The following ZNF227 variants were observed in gnomAD, a reference collection of about 807,000 sequenced individuals.
ZNF227 encodes zinc finger protein 227.
ZNF227 carries 12 observed loss-of-function variants against 13.2 expected under a neutral mutation model. That is an observed-to-expected ratio of 0.91 (90% CI 0.58 to 1.47). The LOEUF (loss-of-function observed/expected upper bound fraction) is 1.47. Among genes scored for constraint, ZNF227 ranks in the 40% most tolerant of loss-of-function variants. The pLI is 0.00. For synonymous variants in ZNF227, 338 were observed against 326.0 expected, an observed-to-expected ratio of 1.04 and a Z score of -0.40; for missense variants, 885 against 967.5, an observed-to-expected ratio of 0.91 and a Z score of 1.13.
intron 5 of ZNF227, among the ~76,000 whole-genome samples, chr19:44,231,567 G>T (rs1251656780): frequency 6.6e-6 from 1 of 152,122 alleles, no homozygotes; most frequent in Non-Finnish European, 1.5e-5. Context: ...TCCTGAGATC[G>T]TGGTCCACCT....
At chr19:44,224,568 A>C (rs1333481839) in intron 3 of ZNF227, among the ~76,000 whole-genome samples, 2 of 152,088 alleles carry the variant, frequency 1.3e-5, no homozygotes, top group Non-Finnish European at 2.9e-5. Context: ...AGTCTGTTTT[A>C]TCAGAGACAA....
chr19:44,207,607 C>G (rs1032920707), upstream of ZNF227: 2 of 152,258 alleles, frequency 1.3e-5, no homozygotes, highest in African/African-American at 2.4e-5. Flanking sequence ...TCCGCTGGGA[C>G]CCTCCAAGTT....
chr19:44,223,446 G>A (rs1481930427), intron 3 of ZNF227, among the ~76,000 whole-genome samples: 2 of 152,168 alleles, frequency 1.3e-5, no homozygotes, highest in African/African-American at 4.8e-5. Context: ...TTCAGAGCCT[G>A]TTATTGGTCT....
intron 3 of ZNF227, among the ~76,000 whole-genome samples, chr19:44,219,129 C>T (rs1599783936): frequency 6.6e-6 from 1 of 152,204 alleles, no homozygotes; most frequent in East Asian, 1.9e-4. Flanking sequence ...TCAGATGATC[C>T]ACCCACTTCG....
At chr19:44,210,626 A>T (rs1473693102), upstream of ZNF227, among the ~76,000 whole-genome samples, 1 of 152,240 alleles carries the variant, frequency 6.6e-6, no homozygotes, top group African/African-American at 2.4e-5. Flanking sequence ...TGACAGAAGG[A>T]ACACCAAATA....
At chr19:44,231,831 A>T (rs1485389921) in intron 5 of ZNF227, among the ~76,000 whole-genome samples, 1 of 152,250 alleles carries the variant, frequency 6.6e-6, no homozygotes, top group Non-Finnish European at 1.5e-5. Context: ...TAAATATTCA[A>T]ACCTACTAAC....
In ZNF227 at chr19:44,228,505, C is replaced by G. The variant is rs922063; in HGVS notation, c.120C>G (p.Leu40=). ...VVFSREELRL[L]DLTQRKLYRD... is the part of the protein sequence containing the mutation. ...TCTCCAGGGAGGAACTGCGACTGCTCGATCTTACCCAGAGGAAGCTGTACC... is the reference window on the plus strand; with the variant it reads ...TCTCCAGGGAGGAACTGCGACTGCTGGATCTTACCCAGAGGAAGCTGTACC... The change falls in exon 4 of 6, where the codon CTC becomes CTG. Residue 40 remains leucine (L), a synonymous_variant. Coordinates refer to ENST00000313040, the MANE Select transcript of ZNF227 (RefSeq NM_182490.3). 75,411 of 1,612,994 alleles carry G rather than the reference C, an allele frequency of 0.047. 11,445 individuals carry two copies. The African/African-American group carries it at 0.49, about 10-fold the overall frequency.
At chr19:44,217,191 T>C (rs1286976157) in intron 2 of ZNF227, among the ~76,000 whole-genome samples, 1 of 152,050 alleles carries the variant, frequency 6.6e-6, no homozygotes, top group Non-Finnish European at 1.5e-5. Flanking sequence ...CTCAAACTTC[T>C]GACCTTATGT....
rs1282430800 is a variant in ZNF227 at position 44,217,338 on chromosome 19, C to T, written c.-2-453C>T. 5 of 434,678 alleles carry T rather than the reference C, an allele frequency of 1.2e-5. No homozygotes were observed. The East Asian group carries it at 2.8e-4, about 24-fold the overall frequency. The allele number at this position is 434,678 out of a possible 1,614,324, so 26.9% of individuals were successfully genotyped here. On this transcript the variant is annotated intron_variant, in intron 2 of 5. Transcript: ENST00000313040. ...AAAGGGACTCCTGGTTCTTAGAACTCTCCATCTACTTATTTAATCCTTGGA... is the reference window on the plus strand; with the variant it reads ...AAAGGGACTCCTGGTTCTTAGAACTTTCCATCTACTTATTTAATCCTTGGA...
At chr19:44,212,808 TTCC>T (rs1291257416) in intron 1 of ZNF227, 1 of 152,216 alleles carries the variant, frequency 6.6e-6, no homozygotes, top group Non-Finnish European at 1.5e-5. Flanking sequence ...GCGCTCCTGT[TTCC>T]TCATCTTTAA....
At chr19:44,226,905 C>T (rs1302591481) in intron 3 of ZNF227, among the ~76,000 whole-genome samples, 2 of 152,206 alleles carry the variant, frequency 1.3e-5, no homozygotes, top group Non-Finnish European at 2.9e-5. Context: ...TGTTCCTATT[C>T]AGCCATCTTG....
chr19:44,236,128 C>T lies in ZNF227; in HGVS notation c.1698C>T (p.His566=), dbSNP rs1402947546. Residue 566 remains histidine, a synonymous_variant, in exon 6 of 6, where the codon CAC becomes CAT. Transcript: ENST00000313040. ...GTTATAGTTCAAATCTTAAACTACA[C>T]CAAGTAATTCACACTGGAGAAAAAC... is the stretch of plus-strand genomic sequence containing the variant. ...DFSYSSNLKL[H]QVIHTGEKPY... 1 of 1,613,584 alleles carries T rather than the reference C, an allele frequency of 6.2e-7. No homozygotes were observed. Among genetic ancestry groups the T allele is most frequent in the South Asian group, 1.1e-5 (1 of 91,048 alleles).
At chr19:44,227,754 T>C (rs1194780524) in intron 3 of ZNF227, among the ~76,000 whole-genome samples, 2 of 152,208 alleles carry the variant, frequency 1.3e-5, no homozygotes, top group East Asian at 3.8e-4. Flanking sequence ...CCCAAGGTCC[T>C]ATAACTAGTA....
At position 44,236,196 on chromosome 19, in the gene ZNF227, C is replaced by G. The variant is rs1240455469; in HGVS notation, c.1766C>G (p.Ser589Ter). ...TGTGGGAAGGGCTTCAGTTGGAGAT[C>G]AAATCTTCATGCACATCAAAGAGTT... ...EECGKGFSWR[S>*]NLHAHQRVHS... is the part of the protein sequence containing the mutation. The change falls in exon 6 of 6, where the codon TCA becomes TGA. Residue 589 changes from serine to a stop codon, truncating the protein, a stop_gained. Transcript: ENST00000313040. LOFTEE classifies it low-confidence loss of function (END_TRUNC). 16 of 1,613,920 alleles carry G rather than the reference C, an allele frequency of 9.9e-6. No homozygotes were observed. The highest frequency in any genetic ancestry group is 1.4e-5 in the Non-Finnish European group (16 of 1,180,018).
intron 2 of ZNF227, among the ~76,000 whole-genome samples, chr19:44,217,307 TA>T (rs1275500297): frequency 2.0e-5 from 3 of 152,054 alleles, no homozygotes; most frequent in African/African-American, 7.2e-5. Context: ...TTTGTAACTA[TA>T]AGAGAAAGGG....
rs965532287 is a variant in ZNF227 at position 44,228,097 on chromosome 19, A to G, written c.61-349A>G. The G allele has an allele frequency of 9.3e-5, 16 of 171,196 alleles. No homozygotes were observed. The East Asian group carries it at 2.8e-3, about 30-fold the overall frequency. The allele number at this position is 171,196 out of a possible 1,614,324, so 10.6% of individuals were successfully genotyped here. On this transcript the variant is annotated intron_variant, in intron 3 of 5. Coordinates refer to ENST00000313040, the MANE Select transcript of ZNF227 (RefSeq NM_182490.3). ...AATACAAAAATTAGCCGGGCATGGT[A>G]GTAGACGCCTGTAATCCCACCTACT...
chr19:44,234,727 A>G lies in ZNF227; in HGVS notation c.297A>G (p.Glu99=). The G allele has an allele frequency of 6.3e-7, 1 of 1,597,956 alleles. No homozygotes were observed. The highest frequency in any genetic ancestry group is 8.5e-7 in the Non-Finnish European group (1 of 1,175,686). Residue 99 remains glutamate (E), a synonymous_variant, in exon 6 of 6, where the codon GAA becomes GAG. Coordinates refer to ENST00000313040, the MANE Select transcript of ZNF227 (RefSeq NM_182490.3). ...QRSSKHQNKM[E]TLQKFALKYL... ...GCAGCAAGCATCAAAATAAGATGGAAACACTCCAAAAATTTGCATTAAAAT... is the reference window on the plus strand; with the variant it reads ...GCAGCAAGCATCAAAATAAGATGGAGACACTCCAAAAATTTGCATTAAAAT...
At chr19:44,230,926 A>AAAATAT (rs1555792168) in intron 5 of ZNF227, among the ~76,000 whole-genome samples, 5 of 68,136 alleles carry the variant, frequency 7.3e-5, no homozygotes, top group Admixed American at 4.3e-4. Context: ...AAAAAAAAAA[A>AAAATAT]ATATATATAT....
chr19:44,235,710 A>G lies in ZNF227; in HGVS notation c.1280A>G (p.Gln427Arg). The G allele has an allele frequency of 3.1e-6, 5 of 1,614,152 alleles. No homozygotes were observed. The highest frequency in any genetic ancestry group is 4.2e-6 in the Non-Finnish European group (5 of 1,180,012). Residue 427 changes from glutamine (Q) to arginine (R), a missense_variant, in exon 6 of 6, where the codon CAG becomes CGG. Coordinates refer to ENST00000313040, the MANE Select transcript of ZNF227 (RefSeq NM_182490.3). ...FTQAAHFHIH[Q>R]RVHTGEKPYK... ...CAGGCTGCACATTTTCACATCCATC[A>G]GAGAGTCCACACTGGAGAGAAACCC...
Sources: gnomAD v4.1 joint callset for allele counts (sites outside exome capture counted in the v4.1 genomes callset) on GRCh38, gnomAD v4.1.1 for gene constraint, MANE v1.5 for transcripts, NCBI Gene and HGNC (gene_info 2026-07-23, HGNC 2026-07-21) for gene names.